The following HDAC9 variants were observed in gnomAD, a reference collection of about 807,000 sequenced individuals.
The protein encoded by HDAC9 is histone deacetylase 9.
In HDAC9, 41 loss-of-function variants were observed where a neutral mutation model predicts 139.4. The observed-to-expected ratio is 0.29, with a 90% CI of 0.23 to 0.38. The LOEUF (loss-of-function observed/expected upper bound fraction) is 0.38, where lower values mean the gene tolerates loss of function less well. Ranked by LOEUF, HDAC9 falls within the 10% of genes least tolerant of loss-of-function variation. HDAC9 has a pLI of 1.00. For missense variants in HDAC9, 1,147 were observed against 1,297.0 expected, an observed-to-expected ratio of 0.88 and a Z score of 1.78; for synonymous variants, 517 against 476.2, an observed-to-expected ratio of 1.09 and a Z score of -1.12.
At chr7:18,525,150 A>C in intron 2 of HDAC9, among the ~76,000 whole-genome samples, 1 of 152,216 alleles carries the variant, frequency 6.6e-6, no homozygotes, top group East Asian at 1.9e-4. Flanking sequence ...GTGTTTCCTC[A>C]GTTGCTTTTA....
intron 12 of HDAC9, among the ~76,000 whole-genome samples, chr7:18,719,694 C>CA (rs796944000): frequency 1.3e-5 from 2 of 151,648 alleles, no homozygotes; most frequent in Non-Finnish European, 2.9e-5. Context: ...GTCTTATACG[C>CA]AAAAAAAGTA....
At chr7:18,310,868 A>T (rs1003528942) in intron 1 of HDAC9, among the ~76,000 whole-genome samples, 2 of 151,458 alleles carry the variant, frequency 1.3e-5, no homozygotes, top group African/African-American at 2.4e-5. Flanking sequence ...TAAATTGCTG[A>T]GGGCCGCTAA....
intron 13 of HDAC9, among the ~76,000 whole-genome samples, chr7:18,732,282 C>T (rs1786126912): frequency 6.6e-6 from 1 of 152,084 alleles, no homozygotes; most frequent in Admixed American, 6.6e-5. Context: ...AATGGAAAGT[C>T]ACTCATTATT....
At chr7:18,176,484 A>G (rs1198755117) in intron 2 of HDAC9, among the ~76,000 whole-genome samples, 2 of 152,214 alleles carry the variant, frequency 1.3e-5, no homozygotes, top group Non-Finnish European at 2.9e-5. Context: ...TTTAGGGTAT[A>G]CTGTCTGTAA....
chr7:18,100,763 A>G (rs936512275), intron 1 of HDAC9, among the ~76,000 whole-genome samples: 4 of 151,986 alleles, frequency 2.6e-5, no homozygotes, highest in Non-Finnish European at 5.9e-5. Flanking sequence ...GCTATTGGTT[A>G]TATTTTCCTA....
intron 1 of HDAC9, among the ~76,000 whole-genome samples, chr7:18,322,376 G>A (rs1800095640): frequency 6.6e-6 from 1 of 152,128 alleles, no homozygotes; most frequent in African/African-American, 2.4e-5. Context: ...CTATCACAGA[G>A]TAACTAATTT....
chr7:18,509,075 C>A (rs1177960996), intron 2 of HDAC9, among the ~76,000 whole-genome samples: 2 of 152,198 alleles, frequency 1.3e-5, no homozygotes, highest in African/African-American at 4.8e-5. Context: ...CAGCTAAGAG[C>A]TATTTTTCCT....
chr7:18,789,015 T>A (rs149803577), intron 16 of HDAC9, among the ~76,000 whole-genome samples: 104 of 152,240 alleles, frequency 6.8e-4, no homozygotes, highest in African/African-American at 2.2e-3. Context: ...AGAAGGGGTC[T>A]CTACTCTGAA....
chr7:18,211,102 A>G (rs1791906808), intron 2 of HDAC9, among the ~76,000 whole-genome samples: 1 of 152,228 alleles, frequency 6.6e-6, no homozygotes, highest in South Asian at 2.1e-4. Context: ...AGAATGCCTA[A>G]TAATAAAAGG....
At chr7:18,467,596 A>G (rs146872579) in intron 1 of HDAC9, among the ~76,000 whole-genome samples, 2 of 152,330 alleles carry the variant, frequency 1.3e-5, no homozygotes, top group African/African-American at 2.4e-5. Flanking sequence ...ACTTCATAAA[A>G]TAAACATTTT....
At chr7:18,982,179 A>C (rs1231726776) in intron 25 of HDAC9, among the ~76,000 whole-genome samples, 1 of 152,202 alleles carries the variant, frequency 6.6e-6, no homozygotes, top group Non-Finnish European at 1.5e-5. Context: ...CACTCAGTCC[A>C]AAGTATCATC....
At chr7:18,665,505 ATAAAT>A (rs1380611557) in intron 11 of HDAC9, among the ~76,000 whole-genome samples, 1 of 140,006 alleles carries the variant, frequency 7.1e-6, no homozygotes. Flanking sequence ...AATTTATAAA[ATAAAT>A]AAAATGTCTA....
In HDAC9 at chr7:18,813,657, A is replaced by C. The variant is rs900053076; in HGVS notation, c.2323-15504A>C. 9.9e-5 allele frequency among the ~76,000 whole-genome samples: 15 copies of C among 152,182 alleles called. 1 individual carries two copies. The highest frequency in any genetic ancestry group is 3.6e-4 in the African/African-American group (15 of 41,456). On this transcript the variant is annotated intron_variant, in intron 17 of 25. Transcript: ENST00000686413. ...GAGAAAGGGATAAATCTTGGCAGTT[A>C]TACATTTACTTTGTGGGAAACTACC...
chr7:18,092,210 AC>A (rs1782206290), intron 1 of HDAC9, among the ~76,000 whole-genome samples: 1 of 151,924 alleles, frequency 6.6e-6, no homozygotes, highest in African/African-American at 2.4e-5. Flanking sequence ...ACATGGCGCG[AC>A]CCTGTTGCTA....
chr7:18,597,303 A>G (rs973742020), intron 6 of HDAC9, among the ~76,000 whole-genome samples: 15 of 152,158 alleles, frequency 9.9e-5, no homozygotes, highest in African/African-American at 2.9e-4. Flanking sequence ...TTTAATTTTT[A>G]TATGCATTGC....
In HDAC9 at chr7:18,499,350, G is replaced by A. The variant is rs573335932; in HGVS notation, c.22+3026G>A. ...TGGAATACAAGTTTTTTTTATGGTT[G>A]TATGTTTTTTTGATATTGACTCGGC... On this transcript the variant is annotated intron_variant, in intron 2 of 25. Coordinates refer to ENST00000686413, the MANE Select transcript of HDAC9 (RefSeq NM_178425.4). Among the ~76,000 whole-genome samples the A allele has an allele frequency of 2.0e-5, 3 of 152,092 alleles. No individual in the cohort carries two copies. In the South Asian group the frequency reaches 6.2e-4, roughly 32 times the overall value.
chr7:18,712,958 C>T (rs958818325), intron 12 of HDAC9, among the ~76,000 whole-genome samples: 1 of 152,152 alleles, frequency 6.6e-6, no homozygotes, highest in African/African-American at 2.4e-5. Context: ...AGCACTAAAA[C>T]CAAATAATAC....
At chr7:18,563,258 A>T (rs1821167029) in intron 2 of HDAC9, among the ~76,000 whole-genome samples, 1 of 152,096 alleles carries the variant, frequency 6.6e-6, no homozygotes, top group Admixed American at 6.5e-5. Context: ...TTAAAAACGG[A>T]TTTCTACTTG....
chr7:18,948,565 A>G (rs11973693), intron 23 of HDAC9, among the ~76,000 whole-genome samples: 3,129 of 152,242 alleles, frequency 0.021, 102 homozygotes, highest in African/African-American at 0.072. Flanking sequence ...GAAACTTTCT[A>G]TAAATATAAA....
Sources: allele counts gnomAD v4.1 joint callset (sites outside exome capture counted in the v4.1 genomes callset), GRCh38; gene constraint gnomAD v4.1.1; transcripts MANE v1.5; gene names NCBI Gene and HGNC (gene_info 2026-07-23, HGNC 2026-07-21).